LHFPL3: variants seen among roughly 807,000 people sequenced by gnomAD.
The protein encoded by LHFPL3 is LHFPL tetraspan subfamily member 3 protein.
A neutral mutation model predicts 19.3 loss-of-function variants in LHFPL3; 5 were observed. The ratio of observed to expected loss-of-function variants is 0.26; its 90% CI spans 0.14 to 0.54. The LOEUF is 0.54. LHFPL3 is among the 20% of genes least tolerant of loss of function. LHFPL3 has a pLI of 0.94. For synonymous variants in LHFPL3, 133 were observed against 126.2 expected (o/e 1.05, Z -0.36); for missense variants, 249 against 307.4 (o/e 0.81, Z 1.42).
At chr7:104,757,670 C>T (rs1322497834) in intron 2 of LHFPL3, 1 of 152,480 alleles carries the variant, frequency 6.6e-6, no homozygotes, top group Non-Finnish European at 1.5e-5. Flanking sequence ...TCACACCAGT[C>T]CAAATGGCCA....
At chr7:104,685,611 C>A (rs1792790058) in intron 1 of LHFPL3, among the ~76,000 whole-genome samples, 1 of 152,308 alleles carries the variant, frequency 6.6e-6, no homozygotes, top group South Asian at 2.1e-4. Context: ...GATTTTCCTA[C>A]AGGTGCTCAT....
intron 1 of LHFPL3, among the ~76,000 whole-genome samples, chr7:104,581,551 CTG>C (rs1444195930): frequency 1.3e-5 from 2 of 152,040 alleles, no homozygotes; most frequent in Non-Finnish European, 2.9e-5. Context: ...CTACTATGCA[CTG>C]TGTCTGTTTA....
At chr7:104,586,642 C>T (rs543040625) in intron 1 of LHFPL3, among the ~76,000 whole-genome samples, 4 of 152,100 alleles carry the variant, frequency 2.6e-5, no homozygotes, top group South Asian at 2.1e-4. Context: ...TTTTTAAAGA[C>T]GTCTAGTGGG....
At chr7:104,831,340 C>G (rs62485392) in intron 2 of LHFPL3, among the ~76,000 whole-genome samples, 49,581 of 151,800 alleles carry the variant, frequency 0.33, 9,117 homozygotes, top group Non-Finnish European at 0.41. Flanking sequence ...TCAATTCGGT[C>G]ATAAGCTTAA....
At chr7:104,459,392 A>T (rs1242129287) in intron 1 of LHFPL3, among the ~76,000 whole-genome samples, 3 of 152,242 alleles carry the variant, frequency 2.0e-5, no homozygotes, top group Non-Finnish European at 4.4e-5. Flanking sequence ...AACCTTGGGC[A>T]TTGGACTTGA....
At chr7:104,902,165 A>C (rs1792498151) in intron 2 of LHFPL3, among the ~76,000 whole-genome samples, 2 of 152,102 alleles carry the variant, frequency 1.3e-5, no homozygotes, top group Non-Finnish European at 2.9e-5. Flanking sequence ...GGATCACTTG[A>C]GTCCGGGAGT....
At chr7:104,437,282 T>G (rs1792127708) in intron 1 of LHFPL3, among the ~76,000 whole-genome samples, 1 of 152,238 alleles carries the variant, frequency 6.6e-6, no homozygotes, top group Non-Finnish European at 1.5e-5. Context: ...ACTTAAAAAA[T>G]ATTAACTTCA....
chr7:104,464,394 C>A (rs1426595624), intron 1 of LHFPL3, among the ~76,000 whole-genome samples: 1 of 152,204 alleles, frequency 6.6e-6, no homozygotes, highest in Non-Finnish European at 1.5e-5. Flanking sequence ...TGGCCCTCTT[C>A]TCACAGCTCC....
intron 1 of LHFPL3, among the ~76,000 whole-genome samples, chr7:104,375,014 A>G (rs963233934): frequency 6.6e-6 from 1 of 152,218 alleles, no homozygotes; most frequent in African/African-American, 2.4e-5. Context: ...GTATATTTTC[A>G]TTTCAATTTG....
At chr7:104,426,483 C>T (rs1431366889) in intron 1 of LHFPL3, among the ~76,000 whole-genome samples, 3 of 151,978 alleles carry the variant, frequency 2.0e-5, no homozygotes, top group Admixed American at 6.6e-5. Context: ...CTGGAACTTC[C>T]GGCCTCAGGT....
chr7:104,550,573 C>A (rs1351597586), intron 1 of LHFPL3, among the ~76,000 whole-genome samples: 1 of 152,104 alleles, frequency 6.6e-6, no homozygotes, highest in Non-Finnish European at 1.5e-5. Context: ...AATGAAGAGC[C>A]TTGATTGCAC....
At chr7:104,706,833 A>C (rs1793199159) in intron 1 of LHFPL3, among the ~76,000 whole-genome samples, 1 of 152,160 alleles carries the variant, frequency 6.6e-6, no homozygotes. Flanking sequence ...CATTGATGTT[A>C]ATATTATCCC....
chr7:104,837,301 G>C (rs1259099950), intron 2 of LHFPL3, among the ~76,000 whole-genome samples: 1 of 152,206 alleles, frequency 6.6e-6, no homozygotes, highest in Non-Finnish European at 1.5e-5. Flanking sequence ...CTACCCTAGA[G>C]CTGATTGGAC....
Position 104,906,762 on chromosome 7 carries a change from C to T in LHFPL3, c.*547C>T, listed in dbSNP as rs1272657377. 6.5e-6 allele frequency: 1 copy of T among 152,978 alleles called. No homozygotes were observed. The highest frequency in any genetic ancestry group is 1.9e-4 in the East Asian group (1 of 5,206). 9.5% of individuals were successfully genotyped at this position (152,978 alleles called of 1,614,324 possible). On this transcript the variant is annotated 3_prime_UTR_variant, in exon 3 of 3. Coordinates refer to ENST00000424859, the MANE Select transcript of LHFPL3 (RefSeq NM_199000.3). ...AGCCGTGACCTTTGGTTCTTCATCT[C>T]TACCATTCATTTACTTCACTGTGTA...
At chr7:104,365,769 C>G (rs1584269554) in intron 1 of LHFPL3, among the ~76,000 whole-genome samples, 1 of 97,400 alleles carries the variant, frequency 1.0e-5, no homozygotes, top group East Asian at 3.5e-4. Flanking sequence ...GCCTGGGCGA[C>G]AGAGCGAGAC....
intron 2 of LHFPL3, among the ~76,000 whole-genome samples, chr7:104,821,174 T>C (rs1471496637): frequency 2.0e-5 from 3 of 152,220 alleles, no homozygotes; most frequent in African/African-American, 7.2e-5. Flanking sequence ...TGACAGGAAA[T>C]GAGTCCCAAA....
chr7:104,677,375 A>G (rs1792611194), intron 1 of LHFPL3, among the ~76,000 whole-genome samples: 1 of 151,868 alleles, frequency 6.6e-6, no homozygotes, highest in Non-Finnish European at 1.5e-5. Context: ...TAAAAAAAAA[A>G]AAAGGAAGAA....
intron 2 of LHFPL3, among the ~76,000 whole-genome samples, chr7:104,824,320 T>A (rs1584556148): frequency 3.6e-5 from 1 of 27,720 alleles, no homozygotes; most frequent in Non-Finnish European, 6.1e-5. Context: ...ATTATATATA[T>A]TATTTTATAT....
intron 2 of LHFPL3, among the ~76,000 whole-genome samples, chr7:104,809,553 TC>T (rs1790427048): frequency 6.6e-6 from 1 of 152,256 alleles, no homozygotes; most frequent in African/African-American, 2.4e-5. Flanking sequence ...ACATGTTTTT[TC>T]TTAAATTCTA....
Sources: gnomAD v4.1 joint callset for allele counts (sites outside exome capture counted in the v4.1 genomes callset) on GRCh38, gnomAD v4.1.1 for gene constraint, MANE v1.5 for transcripts, NCBI Gene and HGNC (gene_info 2026-07-23, HGNC 2026-07-21) for gene names.